The following CLBA1 variants were observed in gnomAD, a reference collection of about 807,000 sequenced individuals.
CLBA1 encodes uncharacterized protein CLBA1.
Under a neutral mutation model 28.8 loss-of-function variants are expected in CLBA1, and 30 were observed. That is an observed-to-expected ratio of 1.04 (90% CI 0.78 to 1.41). The LOEUF (loss-of-function observed/expected upper bound fraction) is 1.41, where lower values mean the gene tolerates loss of function less well. CLBA1 is among the 40% of genes most tolerant of loss of function. CLBA1 has a pLI of 0.00. For synonymous variants in CLBA1, 160 were observed against 152.8 expected, an observed-to-expected ratio of 1.05 and a Z score of -0.35; for missense variants, 451 against 412.3, an observed-to-expected ratio of 1.09 and a Z score of -0.81.
At chr14:104,991,675 C>G in intron 3 of CLBA1, 55 bp downstream of exon 3, 1 of 1,551,336 alleles carries the variant, frequency 6.4e-7, no homozygotes, top group South Asian at 1.2e-5. Flanking sequence ...ACTTCACTGT[C>G]ACCAGTGGCC....
rs777574666 is a variant in CLBA1, at chr14:104,986,684, C to T, written c.253C>T (p.Arg85Trp). 4.3e-6 allele frequency: 7 copies of T among 1,614,088 alleles called. No homozygotes were observed. The South Asian group carries it at 6.6e-5, about 15-fold the overall frequency. ...SSTWGEFEGF[R>W]ESSAKSGQFS... ...CACTTGGGGGGAGTTTGAAGGCTTT[C>T]GGGAATCTTCAGCCAAGTCTGGACA... The change falls in exon 1 of 5, where the codon CGG becomes TGG. Residue 85 changes from arginine to tryptophan, a missense_variant. Arg to Trp is a moderately radical substitution (Grantham distance 101, BLOSUM62 -3). Coordinates refer to ENST00000547315, the MANE Select transcript of CLBA1 (RefSeq NM_174891.4).
chr14:104,996,254 G>A (rs1239303597), downstream of CLBA1, among the ~76,000 whole-genome samples: 2 of 152,210 alleles, frequency 1.3e-5, no homozygotes, highest in Middle Eastern at 6.3e-3. Context: ...AGGCCCTGCT[G>A]CTCTCGTCCC....
Position 104,995,119 on chromosome 14 carries a change from C to T in CLBA1, c.*360C>T, listed in dbSNP as rs1286313142. ...GGGCTGCTTAGTCCAGGGGGAGCAA[C>T]TTGTGGCCAAATCCATGAGTTCAGA... On this transcript the variant is annotated 3_prime_UTR_variant, in exon 5 of 5. Transcript: ENST00000547315. 3.0e-6 allele frequency: 3 copies of T among 1,000,080 alleles called. No homozygotes were observed. Among genetic ancestry groups the T allele is most frequent in the African/African-American group, 3.5e-5 (2 of 57,682 alleles). The allele number at this position is 1,000,080 out of a possible 1,614,324, so 62.0% of individuals were successfully genotyped here. A position where few individuals can be genotyped will look rare whatever the true frequency, so the allele number is the denominator to read the frequency against.
rs897689227 is a variant in CLBA1 at position 104,989,794 on chromosome 14, T to C, written c.569+706T>C. 93 of 432,234 alleles carry C rather than the reference T, an allele frequency of 2.2e-4. 1 individual carries two copies. Among genetic ancestry groups the C allele is most frequent in the South Asian group, 1.2e-3 (79 of 63,384 alleles). 26.8% of individuals were successfully genotyped at this position (432,234 alleles called of 1,614,324 possible). A position where few individuals can be genotyped will look rare whatever the true frequency, so the allele number is the denominator to read the frequency against. On this transcript the variant is annotated intron_variant, in intron 2 of 4. Coordinates refer to ENST00000547315, the MANE Select transcript of CLBA1 (RefSeq NM_174891.4). The stretch of plus-strand genomic sequence containing the variant: ...CTGTCCCTCGGTGTGGTCTGCGGAG[T>C]GGGTCTCCCAGCAGCCAGGGGAGAG...
At chr14:105,000,086 G>A (rs146441977), downstream of CLBA1, among the ~76,000 whole-genome samples, 613 of 152,258 alleles carry the variant, frequency 4.0e-3, 7 homozygotes, top group African/African-American at 0.013. Context: ...AACACACAGC[G>A]AGGAAAAGCA....
rs1900139360 is a variant in CLBA1, at chr14:104,995,397, C to T, written c.*638C>T. On this transcript the variant is annotated 3_prime_UTR_variant, in exon 5 of 5. Transcript: ENST00000547315. The stretch of plus-strand genomic sequence containing the variant: ...TCGCACCACTGGCCTGCGAGAGCCT[C>T]TGGTGGGCCCGTGGCTTCCCCCAGT... 5.1e-6 allele frequency: 5 copies of T among 985,358 alleles called. No individual in the cohort carries two copies. The South Asian group carries it at 2.3e-4, about 46-fold the overall frequency. The allele number at this position is 985,358 out of a possible 1,614,324, so 61.0% of individuals were successfully genotyped here. A position where few individuals can be genotyped will look rare whatever the true frequency, so the allele number is the denominator to read the frequency against.
At position 104,987,933 on chromosome 14, in the gene CLBA1, G is replaced by A. The variant is rs533849693; in HGVS notation, c.424-1010G>A. Among the ~76,000 whole-genome samples, 149 of 151,994 alleles carry A rather than the reference G, an allele frequency of 9.8e-4. 1 individual carries two copies. The highest frequency in any genetic ancestry group is 1.8e-3 in the Non-Finnish European group (119 of 67,968). ...ATTACAGGCGTGAGCCACCATGCCC[G>A]GCCGGACTGTTTTCTGAAGCAGTTT... is the stretch of plus-strand genomic sequence containing the variant. On this transcript the variant is annotated intron_variant, in intron 1 of 4. Coordinates refer to ENST00000547315, the MANE Select transcript of CLBA1 (RefSeq NM_174891.4).
rs539864137 is a variant in CLBA1, at chr14:104,991,876, C to T, written c.699+256C>T. 4.6e-5 allele frequency among the ~76,000 whole-genome samples: 7 copies of T among 152,310 alleles called. No homozygotes were observed. The South Asian group carries it at 1.0e-3, about 23-fold the overall frequency. ...ACGGGCCTGAGCCTGCAGCAGACAA[C>T]GCATTCAGAGATGTGCAACAGTGTG... On this transcript the variant is annotated intron_variant, in intron 3 of 4. Coordinates refer to ENST00000547315, the MANE Select transcript of CLBA1 (RefSeq NM_174891.4).
In CLBA1 at chr14:104,986,344, G is replaced by C; in HGVS notation, c.-88G>C. 7.1e-7 allele frequency: 1 copy of C among 1,416,344 alleles called. No homozygotes were observed. Among genetic ancestry groups the C allele is most frequent in the Non-Finnish European group, 9.5e-7 (1 of 1,052,948 alleles). 87.7% of individuals were successfully genotyped at this position (1,416,344 alleles called of 1,614,324 possible). On this transcript the variant is annotated 5_prime_UTR_variant, in exon 1 of 5. Coordinates refer to ENST00000547315, the MANE Select transcript of CLBA1 (RefSeq NM_174891.4). ...CTGGCCCTCTCCAGGGCAGGGGAAG[G>C]TTGGGCAGTCCTGGGCGGCCAGCAC...
At chr14:104,988,645 A>G (rs1379713029) in intron 1 of CLBA1, among the ~76,000 whole-genome samples, 3 of 152,186 alleles carry the variant, frequency 2.0e-5, no homozygotes, top group African/African-American at 7.2e-5. Flanking sequence ...GGCCGCATGT[A>G]TAATTTCTTA....
At chr14:104,987,309 C>T (rs910808966) in intron 1 of CLBA1, among the ~76,000 whole-genome samples, 9 of 152,200 alleles carry the variant, frequency 5.9e-5, no homozygotes, top group African/African-American at 2.2e-4. Context: ...CCAACCTGTC[C>T]GGGAGCTTGT....
chr14:104,989,132 C>T (rs761883395), intron 2 of CLBA1, 44 bp downstream of exon 2: 2 of 1,586,298 alleles, frequency 1.3e-6, no homozygotes, highest in Non-Finnish European at 1.7e-6. Context: ...TGCTTTTGTA[C>T]TTTTGTTTGA....
At position 104,991,494 on chromosome 14, in the gene CLBA1, C is replaced by T. The variant is rs199898480; in HGVS notation, c.573C>T (p.Asn191=). The T allele has an allele frequency of 1.7e-5, 27 of 1,613,902 alleles. No individual in the cohort carries two copies. The African/African-American group carries it at 2.7e-4, about 16-fold the overall frequency. Residue 191 remains asparagine (N), a synonymous_variant, in exon 3 of 5, where the codon AAC becomes AAT. Coordinates refer to ENST00000547315, the MANE Select transcript of CLBA1 (RefSeq NM_174891.4). ...AACAAGTGCATCTGTTTTCCAGTAA[C>T]GAATCCAGAAAACTCTGGAGAGCCC... The part of the protein sequence containing the change: ...PGVERVHKLC[N]ESRKLWRALQ...
At chr14:104,986,880 A>G in intron 1 of CLBA1, 26 bp downstream of exon 1, 2 of 1,608,166 alleles carry the variant, frequency 1.2e-6, no homozygotes, top group African/African-American at 1.3e-5. Flanking sequence ...TGTGGTCACC[A>G]TGTTGAGTGG....
At chr14:104,997,103 CTG>C (rs1900169357), downstream of CLBA1, among the ~76,000 whole-genome samples, 4 of 152,168 alleles carry the variant, frequency 2.6e-5, no homozygotes, top group Admixed American at 2.0e-4. Context: ...TGAAGGAACT[CTG>C]GGGAGGTGGG....
downstream of CLBA1, chr14:104,999,235 C>T (rs1013532739): frequency 3.0e-6 from 3 of 985,224 alleles, no homozygotes; most frequent in Non-Finnish European, 3.6e-6. Flanking sequence ...CCTGAAGGAA[C>T]GTGACCATCA....
intron 2 of CLBA1, chr14:104,990,798 G>A (rs1899997929): frequency 6.5e-6 from 1 of 153,658 alleles, no homozygotes; most frequent in South Asian, 2.0e-4. Context: ...AGGCACTTGA[G>A]TGAACAAAAC....
chr14:104,995,947 T>C (rs1482588771), downstream of CLBA1, among the ~76,000 whole-genome samples: 1 of 152,252 alleles, frequency 6.6e-6, no homozygotes, highest in East Asian at 1.9e-4. Flanking sequence ...GCACTGTCTT[T>C]TGGGCCCTGC....
chr14:104,986,305 T>C lies in CLBA1; in HGVS notation c.-127T>C. On this transcript the variant is annotated 5_prime_UTR_variant, in exon 1 of 5. Transcript: ENST00000547315. ...TCAGCCACTGGGCAGCCCGGGGCAC[T>C]CCTGCAGCGTCCCCTGGCCCTCTCC... 1.0e-6 allele frequency: 1 copy of C among 1,003,720 alleles called. No homozygotes were observed. Among genetic ancestry groups the C allele is most frequent in the Non-Finnish European group, 1.4e-6 (1 of 698,946 alleles). The allele number at this position is 1,003,720 out of a possible 1,614,324, so 62.2% of individuals were successfully genotyped here.
Sources: gnomAD v4.1 joint callset for allele counts (sites outside exome capture counted in the v4.1 genomes callset) on GRCh38, gnomAD v4.1.1 for gene constraint, MANE v1.5 for transcripts, NCBI Gene and HGNC (gene_info 2026-07-23, HGNC 2026-07-21) for gene names.